Variants in COL24A1 observed in about 807,000 individuals in gnomAD.
COL24A1 encodes the protein collagen type XXIV alpha 1 chain.
In COL24A1, 224 loss-of-function variants were observed where a neutral mutation model predicts 253.9. That is an observed-to-expected ratio of 0.88 (90% CI 0.79 to 0.99). The LOEUF is 0.99. Ranked by LOEUF, COL24A1 falls within the 50% of genes least tolerant of loss-of-function variation. The pLI is 0.00. For missense variants in COL24A1, 2,131 were observed against 2,068.5 expected (o/e 1.03, Z -0.59); for synonymous variants, 685 against 673.7 (o/e 1.02, Z -0.26).
intron 5 of COL24A1, among the ~76,000 whole-genome samples, chr1:86,102,814 T>G (rs566666284): frequency 7.2e-4 from 110 of 152,324 alleles, no homozygotes; most frequent in African/African-American, 2.5e-3. Flanking sequence ...TGGTCAATGT[T>G]AGAGTATGTG....
At position 85,761,433 on chromosome 1, in the gene COL24A1, G is replaced by T; in HGVS notation, c.4411-11C>A. 6.2e-7 allele frequency: 1 copy of T among 1,613,958 alleles called. No individual in the cohort carries two copies. Among genetic ancestry groups the T allele is most frequent in the Non-Finnish European group, 8.5e-7 (1 of 1,179,952 alleles). On this transcript the variant is annotated splice_polypyrimidine_tract_variant and intron_variant, in intron 54 of 59. Transcript: ENST00000370571. Reference sequence around the variant, plus strand: ...TGCTCCAGGTGGACCCTAGAACACAGCAAATTAAAAAAAATACACATTTAT... The same window carrying T: ...TGCTCCAGGTGGACCCTAGAACACATCAAATTAAAAAAAATACACATTTAT...
chr1:85,767,511 T>C (rs1012097332), intron 53 of COL24A1, among the ~76,000 whole-genome samples: 8 of 152,168 alleles, frequency 5.3e-5, no homozygotes, highest in African/African-American at 1.9e-4. Flanking sequence ...AATTAAAAGA[T>C]TAACTTTATA....
At chr1:85,854,040 G>T (rs1558398410) in intron 37 of COL24A1, among the ~76,000 whole-genome samples, 1 of 152,030 alleles carries the variant, frequency 6.6e-6, no homozygotes, top group Non-Finnish European at 1.5e-5. Context: ...TCTTTGCAAG[G>T]GCTGATGTCC....
intron 24 of COL24A1, among the ~76,000 whole-genome samples, chr1:85,953,146 T>C (rs1484450950): frequency 1.3e-5 from 2 of 152,102 alleles, no homozygotes; most frequent in Non-Finnish European, 2.9e-5. Flanking sequence ...GATTTGTAAA[T>C]AAAAATAAGA....
chr1:85,898,570 T>C (rs1360173651), intron 28 of COL24A1, among the ~76,000 whole-genome samples: 1 of 152,236 alleles, frequency 6.6e-6, no homozygotes, highest in East Asian at 1.9e-4. Context: ...AGTCTTACTG[T>C]GCAAGACCTT....
intron 39 of COL24A1, 110 bp downstream of exon 39, chr1:85,847,555 G>A: frequency 4.2e-6 from 3 of 715,130 alleles, no homozygotes; most frequent in Non-Finnish European, 7.2e-6. Context: ...ATTTTCAATG[G>A]AACTATTGCT....
chr1:86,124,772 T>G (rs1023742347), intron 3 of COL24A1, 73 bp downstream of exon 3: 2 of 1,218,320 alleles, frequency 1.6e-6, no homozygotes, highest in Non-Finnish European at 2.2e-6. Context: ...AGAACTCTCT[T>G]TAAAATGTAT....
At chr1:85,884,759 G>A (rs956673944) in intron 32 of COL24A1, among the ~76,000 whole-genome samples, 1 of 152,164 alleles carries the variant, frequency 6.6e-6, no homozygotes, top group Admixed American at 6.5e-5. Flanking sequence ...TGGAGGGCAA[G>A]AACTGTTAAG....
chr1:86,020,249 G>A (rs1196406176), intron 18 of COL24A1, among the ~76,000 whole-genome samples: 1 of 151,772 alleles, frequency 6.6e-6, no homozygotes, highest in Non-Finnish European at 1.5e-5. Context: ...TGTATTTTTA[G>A]TAGAGACAGG....
chr1:85,858,621 C>CTCCTTCCTTCCATCCT (rs1678737938), intron 37 of COL24A1, among the ~76,000 whole-genome samples: 4 of 113,270 alleles, frequency 3.5e-5, no homozygotes, highest in African/African-American at 1.2e-4. Context: ...TATTTTCTCC[C>CTCCTTCCTTCCATCCT]TCCTTCCTTC....
intron 5 of COL24A1, among the ~76,000 whole-genome samples, chr1:86,100,997 G>A (rs186011666): frequency 6.6e-6 from 1 of 152,092 alleles, no homozygotes; most frequent in Non-Finnish European, 1.5e-5. Flanking sequence ...AATCTGAGAG[G>A]ATGGGTCATG....
intron 24 of COL24A1, among the ~76,000 whole-genome samples, chr1:85,913,806 C>T (rs1685602036): frequency 6.6e-6 from 1 of 152,226 alleles, no homozygotes; most frequent in Non-Finnish European, 1.5e-5. Context: ...CCAGTTCAGG[C>T]AGGACTACTT....
At chr1:85,744,564 T>C (rs1665000945) in intron 57 of COL24A1, 102 bp downstream of exon 57, 1 of 980,470 alleles carries the variant, frequency 1.0e-6, no homozygotes, top group Non-Finnish European at 1.5e-6. Flanking sequence ...CAGGGTTTTA[T>C]CAAACTAACT....
At chr1:85,828,641 CTCT>C (rs1175553306) in intron 43 of COL24A1, among the ~76,000 whole-genome samples, 1 of 141,722 alleles carries the variant, frequency 7.1e-6, no homozygotes, top group East Asian at 2.0e-4. Flanking sequence ...GGATAGTTAG[CTCT>C]TCTTGTTGAA....
intron 2 of COL24A1, among the ~76,000 whole-genome samples, chr1:86,144,754 T>C (rs575205846): frequency 1.3e-5 from 2 of 152,256 alleles, no homozygotes; most frequent in Admixed American, 1.3e-4. Flanking sequence ...TGGAGGTGGT[T>C]ACCTATTCTC....
chr1:86,044,690 T>C (rs2101632517), intron 12 of COL24A1, among the ~76,000 whole-genome samples: 1 of 152,296 alleles, frequency 6.6e-6, no homozygotes, highest in South Asian at 2.1e-4. Context: ...TAGACTCCTG[T>C]TGGATAATTT....
intron 7 of COL24A1, among the ~76,000 whole-genome samples, chr1:86,069,404 C>A (rs1701708298): frequency 6.6e-6 from 1 of 152,142 alleles, no homozygotes; most frequent in African/African-American, 2.4e-5. Context: ...AGGAAGGACT[C>A]TGTATTATGG....
At chr1:85,899,261 T>A (rs1376945124) in intron 28 of COL24A1, among the ~76,000 whole-genome samples, 1 of 152,172 alleles carries the variant, frequency 6.6e-6, no homozygotes, top group Admixed American at 6.6e-5. Context: ...TGAAAAGGAA[T>A]GAGTGGTCAA....
At chr1:85,995,268 T>A (rs924261932) in intron 19 of COL24A1, among the ~76,000 whole-genome samples, 2 of 151,802 alleles carry the variant, frequency 1.3e-5, no homozygotes, top group African/African-American at 4.8e-5. Flanking sequence ...TTTTTTTTTT[T>A]AGAGATGTGG....
Sources: gnomAD v4.1 joint callset for allele counts (sites outside exome capture counted in the v4.1 genomes callset) on GRCh38, gnomAD v4.1.1 for gene constraint, MANE v1.5 for transcripts, NCBI Gene and HGNC (gene_info 2026-07-23, HGNC 2026-07-21) for gene names.